The following HMCN1 variants were observed in gnomAD, a reference collection of about 807,000 sequenced individuals.
HMCN1 encodes the protein hemicentin-1.
In HMCN1, 321 loss-of-function variants were observed where a neutral mutation model predicts 625.9. The ratio of observed to expected loss-of-function variants is 0.51; its 90% CI spans 0.47 to 0.56. The LOEUF is 0.56. HMCN1 is among the 20% of genes least tolerant of loss of function. The pLI is 0.00. For synonymous variants in HMCN1, 2,425 were observed against 2,417.6 expected, an observed-to-expected ratio of 1.00 and a Z score of -0.09; for missense variants, 6,588 against 6,887.3, an observed-to-expected ratio of 0.96 and a Z score of 1.54.
At chr1:186,087,194 A>G (rs754374001) in intron 58 of HMCN1, 23 bp from the exon 59 acceptor site, 13 of 1,468,808 alleles carry the variant, frequency 8.9e-6, no homozygotes, top group Admixed American at 6.7e-5. Flanking sequence ...CCACTCTACA[A>G]TTTGCATTCT....
At chr1:185,899,953 T>G (rs1264002692) in intron 4 of HMCN1, among the ~76,000 whole-genome samples, 1 of 152,044 alleles carries the variant, frequency 6.6e-6, no homozygotes, top group African/African-American at 2.4e-5. Flanking sequence ...ATAATTAGAT[T>G]TAAAATAAAT....
chr1:186,175,539 G>A (rs1652508108), intron 103 of HMCN1, among the ~76,000 whole-genome samples: 1 of 152,110 alleles, frequency 6.6e-6, no homozygotes, highest in South Asian at 2.1e-4. Context: ...CAGGAATACA[G>A]ATCATCATTT....
chr1:185,877,317 C>CTTTTTTTTTTTT (rs1664007644), intron 4 of HMCN1, among the ~76,000 whole-genome samples: 1 of 42,720 alleles, frequency 2.3e-5, no homozygotes, highest in African/African-American at 7.7e-5. Flanking sequence ...ATCTATGTGT[C>CTTTTTTTTTTTT]TTTCTTTTTT....
Position 186,061,834 on chromosome 1 carries a change from A to G in HMCN1, c.7313-17A>G. Reference sequence around the variant, plus strand: ...TTTCTTTTTAAGTTATCTTAAAAAGATGGTTTGCTTCTGCAGGAGGCAGGA... The same window carrying G: ...TTTCTTTTTAAGTTATCTTAAAAAGGTGGTTTGCTTCTGCAGGAGGCAGGA... On this transcript the variant is annotated splice_polypyrimidine_tract_variant and intron_variant, in intron 46 of 106. Transcript: ENST00000271588. 1 of 1,541,296 alleles carries G rather than the reference A, an allele frequency of 6.5e-7. No individual in the cohort carries two copies. Among genetic ancestry groups the G allele is most frequent in the Non-Finnish European group, 9.0e-7 (1 of 1,115,076 alleles).
Position 185,880,762 on chromosome 1 carries a change from G to A in HMCN1, c.621+14899G>A, listed in dbSNP as rs781329300. ...GGAATGAAATAGGGGAATGAAGTTG[G>A]GATTTGGACCAGAAGAGTCTGGAGT... On this transcript the variant is annotated intron_variant, in intron 4 of 106. Coordinates refer to ENST00000271588, the MANE Select transcript of HMCN1 (RefSeq NM_031935.3). Among the ~76,000 whole-genome samples the A allele has an allele frequency of 6.1e-4, 93 of 152,272 alleles. 1 individual carries two copies. The highest frequency in any genetic ancestry group is 1.1e-3 in the Non-Finnish European group (78 of 68,000).
chr1:185,946,505 C>G (rs912635112), intron 11 of HMCN1, among the ~76,000 whole-genome samples: 3 of 152,134 alleles, frequency 2.0e-5, no homozygotes, highest in African/African-American at 7.2e-5. Context: ...GAAGGCAAGT[C>G]TAAACTTTGG....
At chr1:186,070,041 C>T (rs1478749497) in intron 51 of HMCN1, among the ~76,000 whole-genome samples, 1 of 152,110 alleles carries the variant, frequency 6.6e-6, no homozygotes, top group Non-Finnish European at 1.5e-5. Flanking sequence ...TCTGTTTTTC[C>T]TTCTGAATTA....
chr1:185,851,307 G>T (rs900740899), intron 2 of HMCN1, among the ~76,000 whole-genome samples: 34 of 152,034 alleles, frequency 2.2e-4, no homozygotes, highest in African/African-American at 8.0e-4. Context: ...TATTTAAATT[G>T]GTTTTGAAAA....
rs536811006 is a variant in HMCN1 at position 186,131,329 on chromosome 1, G to T, written c.13230+632G>T. Among the ~76,000 whole-genome samples, 133 of 152,132 alleles carry T rather than the reference G, an allele frequency of 8.7e-4. 1 individual carries two copies. The highest frequency in any genetic ancestry group is 3.2e-3 in the African/African-American group (131 of 41,516). ...CAACATTAGATGTCATTTGTTGATT[G>T]TTCCTTCTGTTATGAAATTATTTCT... On this transcript the variant is annotated intron_variant, in intron 85 of 106. Transcript: ENST00000271588.
chr1:185,853,718 C>A (rs985682371), intron 2 of HMCN1, among the ~76,000 whole-genome samples: 2 of 152,264 alleles, frequency 1.3e-5, no homozygotes, highest in African/African-American at 2.4e-5. Flanking sequence ...TTGTAATGAT[C>A]TTTTGTGTAA....
intron 97 of HMCN1, among the ~76,000 whole-genome samples, chr1:186,158,010 C>T (rs537839815): frequency 2.5e-4 from 38 of 150,916 alleles, no homozygotes; most frequent in South Asian, 2.1e-3. Flanking sequence ...CCTGAGGAAT[C>T]GCCACACTGA....
intron 1 of HMCN1, among the ~76,000 whole-genome samples, chr1:185,820,610 G>A (rs1472319097): frequency 6.6e-6 from 1 of 152,076 alleles, no homozygotes; most frequent in African/African-American, 2.4e-5. Context: ...GTTATACATA[G>A]TAAATTTTTA....
intron 66 of HMCN1, 87 bp downstream of exon 66, chr1:186,093,756 T>C: frequency 6.4e-7 from 1 of 1,565,508 alleles, no homozygotes; most frequent in African/African-American, 1.4e-5. Context: ...GTTGAAGAAA[T>C]GTTTTTTTCT....
Position 186,088,163 on chromosome 1 carries a change from G to A in HMCN1, c.9464G>A (p.Gly3155Glu). Residue 3155 changes from glycine to glutamate, a missense_variant, in exon 62 of 107, where the codon GGA (glycine) becomes GAA (glutamate). Around this residue, in one of 3 missense-constraint regions of HMCN1, gnomAD observed 4,628 missense variants for 4,853.1 expected, o/e 0.95. Coordinates refer to ENST00000271588, the MANE Select transcript of HMCN1 (RefSeq NM_031935.3). Reference protein sequence around the residue: ...LNVYVPPSIEGPEREVIVETI... With the variant: ...LNVYVPPSIEEPEREVIVETI... The stretch of plus-strand genomic sequence containing the variant: ...TTTACAGTGCCACCCAGTATTGAAG[G>A]ACCTGAAAGAGAAGTGATTGTGGAG... The A allele has an allele frequency of 1.2e-6, 2 of 1,609,932 alleles. No individual in the cohort carries two copies. Among genetic ancestry groups the A allele is most frequent in the Non-Finnish European group, 1.7e-6 (2 of 1,177,680 alleles).
chr1:186,102,783 T>G (rs1375724786), intron 68 of HMCN1, among the ~76,000 whole-genome samples: 3 of 152,114 alleles, frequency 2.0e-5, no homozygotes, highest in African/African-American at 7.2e-5. Flanking sequence ...ACGCAAATGG[T>G]CATCATAAGG....
chr1:185,983,717 G>A (rs1651816662), intron 18 of HMCN1, among the ~76,000 whole-genome samples: 1 of 152,200 alleles, frequency 6.6e-6, no homozygotes, highest in Non-Finnish European at 1.5e-5. Flanking sequence ...TAACAAGGGT[G>A]GGTGTTGAGG....
At chr1:186,129,780 A>G (rs1215539864) in intron 83 of HMCN1, among the ~76,000 whole-genome samples, 186 bp from the exon 84 acceptor site, 1 of 152,116 alleles carries the variant, frequency 6.6e-6, no homozygotes, top group Non-Finnish European at 1.5e-5. Context: ...TTGTTCTTCA[A>G]ACAAGTGTCT....
chr1:185,896,391 C>T (rs1384733990), intron 4 of HMCN1, among the ~76,000 whole-genome samples: 1 of 142,598 alleles, frequency 7.0e-6, no homozygotes, highest in East Asian at 1.9e-4. Context: ...TATAATAAAC[C>T]TGTGTGTAAG....
Position 186,067,866 on chromosome 1 carries a change from G to A in HMCN1, c.7738G>A (p.Gly2580Ser), listed in dbSNP as rs774422270. 87 of 1,612,992 alleles carry A rather than the reference G, an allele frequency of 5.4e-5. No homozygotes were observed. The highest frequency in any genetic ancestry group is 7.0e-5 in the Non-Finnish European group (83 of 1,179,210). The change falls in exon 50 of 107, where the codon GGC becomes AGC. Residue 2580 changes from glycine (G) to serine (S), a missense_variant. Physicochemically the swap from Gly to Ser is moderately conservative, Grantham distance 56. Coordinates refer to ENST00000271588, the MANE Select transcript of HMCN1 (RefSeq NM_031935.3). ...SPTIAGVGSD[G>S]NPEDVTVILN... ...TACAATTGCTGGTGTAGGTAGTGATGGCAACCCTGAAGATGTCACTGTCAT... is the reference window on the plus strand; with the variant it reads ...TACAATTGCTGGTGTAGGTAGTGATAGCAACCCTGAAGATGTCACTGTCAT...
Sources: allele counts gnomAD v4.1 joint callset (sites outside exome capture counted in the v4.1 genomes callset), GRCh38; gene constraint gnomAD v4.1.1; regional missense constraint gnomAD v4.1.1; transcripts MANE v1.5; gene names NCBI Gene and HGNC (gene_info 2026-07-23, HGNC 2026-07-21).